USP10: variants seen among roughly 807,000 people sequenced by gnomAD.
USP10 encodes the protein ubiquitin specific peptidase 10, also known as ubiquitin carboxyl-terminal hydrolase 10.
In USP10, 22 loss-of-function variants were observed where a neutral mutation model predicts 84.5. That is an observed-to-expected ratio of 0.26 (90% CI 0.19 to 0.37). The LOEUF is 0.37. Among genes scored for constraint, USP10 ranks in the 10% least tolerant of loss-of-function variants. The pLI, the probability that USP10 is intolerant of heterozygous loss-of-function variation, is 1.00. For missense variants in USP10, 1,019 were observed against 998.9 expected (o/e 1.02, Z -0.27); for synonymous variants, 454 against 387.6 (o/e 1.17, Z -2.01).
In USP10 at chr16:84,720,576, A is replaced by ATTTTTTTTTTTTTTTTTTTTTTTTTT. The variant is rs10699847; in HGVS notation, c.22-12836_22-12835insTTTTTTTTTTTTTTTTTTTTTTTTTT. On this transcript the variant is annotated intron_variant, in intron 1 of 13. Coordinates refer to ENST00000219473, the MANE Select transcript of USP10 (RefSeq NM_005153.3). ...ATGCAGAATAAAAAGATGATGCCCAATTTTTTTTTTTTTTTTTTTTTTTGA... is the reference window on the plus strand; with the variant it reads ...ATGCAGAATAAAAAGATGATGCCCAATTTTTTTTTTTTTTTTTTTTTTTTTTTTTTTTTTTTTTTTTTTTTTTTTGA... 4.4e-4 allele frequency among the ~76,000 whole-genome samples: 39 copies of ATTTTTTTTTTTTTTTTTTTTTTTTTT among 88,350 alleles called. 2 individuals carry two copies. The highest frequency in any genetic ancestry group is 1.5e-3 in the East Asian group (3 of 2,034). The allele number at this position is 88,350 out of a possible 152,430, so 58.0% of individuals were successfully genotyped here. A position where few individuals can be genotyped will look rare whatever the true frequency, so the allele number is the denominator to read the frequency against.
chr16:84,768,799 A>G (rs1403684722), intron 11 of USP10, among the ~76,000 whole-genome samples: 3 of 152,320 alleles, frequency 2.0e-5, no homozygotes, highest in African/African-American at 7.2e-5. Flanking sequence ...TAAATATAAT[A>G]TAGTCATTGT....
At chr16:84,727,966 G>T (rs745826112) in intron 1 of USP10, among the ~76,000 whole-genome samples, 2 of 152,122 alleles carry the variant, frequency 1.3e-5, no homozygotes, top group East Asian at 3.9e-4. Flanking sequence ...TCCAGTCTAG[G>T]GTCAGGAAAT....
At chr16:84,770,153 G>A (rs1196378816) in intron 11 of USP10, among the ~76,000 whole-genome samples, 1 of 152,120 alleles carries the variant, frequency 6.6e-6, no homozygotes, top group Admixed American at 6.5e-5. Flanking sequence ...GCATTTTGGT[G>A]GACTCCGGAA....
Position 84,704,788 on chromosome 16 carries a change from G to C in USP10, c.21+4677G>C, listed in dbSNP as rs559891062. 5.9e-6 allele frequency: 9 copies of C among 1,535,494 alleles called. No individual in the cohort carries two copies. The East Asian group carries it at 1.5e-4, about 25-fold the overall frequency. On this transcript the variant is annotated intron_variant, in intron 1 of 13. Coordinates refer to ENST00000219473, the MANE Select transcript of USP10 (RefSeq NM_005153.3). Reference sequence around the variant, plus strand: ...CATCAGATGACTTGAGAACCCAGAAGCTCTACCAGCACTGCCATTCTGTCC... The same window carrying C: ...CATCAGATGACTTGAGAACCCAGAACCTCTACCAGCACTGCCATTCTGTCC...
intron 1 of USP10, among the ~76,000 whole-genome samples, chr16:84,713,723 A>G (rs1172651029): frequency 6.6e-6 from 1 of 152,246 alleles, no homozygotes; most frequent in Non-Finnish European, 1.5e-5. Flanking sequence ...GTTAGGATCC[A>G]GAATTAGAGA....
chr16:84,769,410 TC>T (rs1403644730), intron 11 of USP10, among the ~76,000 whole-genome samples: 1 of 152,176 alleles, frequency 6.6e-6, no homozygotes, highest in African/African-American at 2.4e-5. Flanking sequence ...CAGACTTGCA[TC>T]TCATGGGTGA....
At chr16:84,770,688 C>G (rs1043789534) in intron 11 of USP10, among the ~76,000 whole-genome samples, 1 of 149,762 alleles carries the variant, frequency 6.7e-6, no homozygotes, top group Non-Finnish European at 1.5e-5. Flanking sequence ...AGGAGAATGG[C>G]GTGAACCTGG....
intron 11 of USP10, among the ~76,000 whole-genome samples, chr16:84,772,334 G>A (rs1168005155): frequency 6.6e-6 from 1 of 152,212 alleles, no homozygotes; most frequent in Non-Finnish European, 1.5e-5. Flanking sequence ...TAATGGGCAT[G>A]AGCCACTGCA....
intron 4 of USP10, among the ~76,000 whole-genome samples, chr16:84,753,306 T>C (rs1366486350): frequency 6.6e-6 from 1 of 152,208 alleles, no homozygotes; most frequent in African/African-American, 2.4e-5. Flanking sequence ...TTAAAACTTG[T>C]CAAGATTTTA....
At chr16:84,774,990 T>C (rs1446029942) in intron 12 of USP10, among the ~76,000 whole-genome samples, 170 bp from the exon 13 acceptor site, 3 of 152,206 alleles carry the variant, frequency 2.0e-5, no homozygotes, top group Non-Finnish European at 4.4e-5. Context: ...GTCACATGGC[T>C]CATTTCCTTC....
intron 9 of USP10, among the ~76,000 whole-genome samples, chr16:84,763,727 T>C (rs1913479528): frequency 6.6e-6 from 1 of 151,200 alleles, no homozygotes; most frequent in African/African-American, 2.4e-5. Flanking sequence ...TGCAATGGGT[T>C]GCAGTGGATC....
intron 1 of USP10, chr16:84,716,552 C>A (rs1316872896): frequency 6.6e-6 from 1 of 152,156 alleles, no homozygotes; most frequent in East Asian, 1.9e-4. Context: ...ATGAACAGTG[C>A]TTTGGCAGAA....
intron 1 of USP10, among the ~76,000 whole-genome samples, chr16:84,704,015 G>T (rs1237871998): frequency 1.3e-5 from 2 of 152,196 alleles, no homozygotes; most frequent in East Asian, 3.8e-4. Context: ...AGGAGAAAAG[G>T]ATTACGAAGC....
chr16:84,710,131 G>A (rs1234199962), intron 1 of USP10, among the ~76,000 whole-genome samples: 1 of 152,072 alleles, frequency 6.6e-6, no homozygotes, highest in Admixed American at 6.6e-5. Context: ...TTAGCCGGGC[G>A]TGGTGGCGCA....
At position 84,732,455 on chromosome 16, in the gene USP10, T is replaced by C. The variant is rs557679951; in HGVS notation, c.22-980T>C. 6.6e-5 allele frequency: 27 copies of C among 409,118 alleles called. No individual in the cohort carries two copies. In the East Asian group the frequency reaches 2.2e-3, roughly 34 times the overall value. The allele number at this position is 409,118 out of a possible 1,614,324, so 25.3% of individuals were successfully genotyped here. On this transcript the variant is annotated intron_variant, in intron 1 of 13. Coordinates refer to ENST00000219473, the MANE Select transcript of USP10 (RefSeq NM_005153.3). ...GACTTCTTCTTCTTCTTTTTTTTTTTTTTCTTTTTGAGATGGAGTCTGGCT... is the reference window on the plus strand; with the variant it reads ...GACTTCTTCTTCTTCTTTTTTTTTTCTTTCTTTTTGAGATGGAGTCTGGCT...
At chr16:84,723,037 T>A (rs1050891314) in intron 1 of USP10, among the ~76,000 whole-genome samples, 1 of 152,088 alleles carries the variant, frequency 6.6e-6, no homozygotes, top group African/African-American at 2.4e-5. Flanking sequence ...GCATGCCTGC[T>A]TCACACTGGA....
intron 1 of USP10, among the ~76,000 whole-genome samples, chr16:84,721,055 G>A (rs554944397): frequency 1.3e-5 from 2 of 151,984 alleles, no homozygotes; most frequent in South Asian, 4.2e-4. Context: ...CACCATGCCT[G>A]ACTAATTTTT....
At chr16:84,710,936 G>A (rs1433242263) in intron 1 of USP10, among the ~76,000 whole-genome samples, 2 of 152,182 alleles carry the variant, frequency 1.3e-5, no homozygotes, top group African/African-American at 2.4e-5. Flanking sequence ...TAACGAAATC[G>A]TATTTTGGAC....
At position 84,779,139 on chromosome 16, in the gene USP10, C is replaced by T. The variant is rs999650210; in HGVS notation, c.*57C>T. On this transcript the variant is annotated 3_prime_UTR_variant, in exon 14 of 14. Coordinates refer to ENST00000219473, the MANE Select transcript of USP10 (RefSeq NM_005153.3). ...CCGCTTCGTAGGACACCACCTCACA[C>T]TCACTTCCCGCCTCTCTTTAGTGGC... 2.8e-5 allele frequency: 43 copies of T among 1,542,000 alleles called. No individual in the cohort carries two copies. In the Admixed American group the frequency reaches 7.2e-4, roughly 26 times the overall value.
Sources: allele counts gnomAD v4.1 joint callset (sites outside exome capture counted in the v4.1 genomes callset), GRCh38; gene constraint gnomAD v4.1.1; transcripts MANE v1.5; gene names NCBI Gene and HGNC (gene_info 2026-07-23, HGNC 2026-07-21).